AHI1: variants seen among roughly 807,000 people sequenced by gnomAD.
The protein encoded by AHI1 is jouberin.
Under a neutral mutation model 149.3 loss-of-function variants are expected in AHI1, and 123 were observed. The observed-to-expected ratio is 0.82, with a 90% CI of 0.71 to 0.96. The LOEUF (loss-of-function observed/expected upper bound fraction) is 0.96, where lower values mean the gene tolerates loss of function less well. AHI1 is among the 40% of genes least tolerant of loss of function. The pLI, the probability that AHI1 is intolerant of heterozygous loss-of-function variation, is 0.00. For missense variants in AHI1, 1,439 were observed against 1,422.7 expected (o/e 1.01, Z -0.18); for synonymous variants, 475 against 459.8 (o/e 1.03, Z -0.42).
intron 23 of AHI1, among the ~76,000 whole-genome samples, chr6:135,383,330 A>G (rs1777136118): frequency 6.9e-6 from 1 of 144,298 alleles, no homozygotes; most frequent in African/African-American, 2.6e-5. Flanking sequence ...CCTGGGTTCA[A>G]TCGATTCCCC....
chr6:135,356,607 G>T (rs1002239664), intron 24 of AHI1, among the ~76,000 whole-genome samples: 5 of 151,880 alleles, frequency 3.3e-5, no homozygotes, highest in Middle Eastern at 6.8e-3. Context: ...ACATCAAAAA[G>T]GACTGAATAT....
chr6:135,447,865 A>G (rs753255286), intron 12 of AHI1, among the ~76,000 whole-genome samples: 13 of 152,184 alleles, frequency 8.5e-5, no homozygotes, highest in Non-Finnish European at 1.6e-4. Context: ...GTTTTTGTAA[A>G]TAAACTTTTA....
intron 27 of AHI1, chr6:135,297,374 C>A (rs1783239915): frequency 4.4e-6 from 2 of 455,060 alleles, no homozygotes; most frequent in South Asian, 3.1e-5. Context: ...TAAACTAGTT[C>A]TTTCCCACAT....
chr6:135,333,792 T>C (rs1319992972), intron 24 of AHI1, among the ~76,000 whole-genome samples: 1 of 152,192 alleles, frequency 6.6e-6, no homozygotes, highest in Non-Finnish European at 1.5e-5. Context: ...AGATTATATA[T>C]CTGTAAAATA....
intron 17 of AHI1, 108 bp downstream of exon 17, chr6:135,431,100 T>C: frequency 1.4e-6 from 1 of 692,356 alleles, no homozygotes; most frequent in East Asian, 2.9e-5. Context: ...ACTGTTAATT[T>C]TTTGAAATGA....
At chr6:135,452,085 T>C (rs1318281618) in intron 11 of AHI1, among the ~76,000 whole-genome samples, 1 of 152,204 alleles carries the variant, frequency 6.6e-6, no homozygotes, top group Non-Finnish European at 1.5e-5. Flanking sequence ...CAACTGGATT[T>C]TAACAGCATC....
chr6:135,383,467 G>A (rs1777160149), intron 23 of AHI1, among the ~76,000 whole-genome samples: 1 of 74,656 alleles, frequency 1.3e-5, no homozygotes, highest in South Asian at 3.1e-4. Context: ...GAACTCCTAG[G>A]CTCAAGTGAA....
In AHI1 at chr6:135,386,553, G is replaced by A. The variant is rs533147142; in HGVS notation, c.3109+8223C>T. On this transcript the variant is annotated intron_variant, in intron 23 of 28. Coordinates refer to ENST00000265602, the MANE Select transcript of AHI1 (RefSeq NM_001134831.2). The stretch of plus-strand genomic sequence containing the variant: ...TCTCGATCTCCTGACCTTGTGATCC[G>A]CCTGCCTCGGCCTCCCAAAGTGCTG... Among the ~76,000 whole-genome samples, 375 of 152,054 alleles carry A rather than the reference G, an allele frequency of 2.5e-3. 1 individual carries two copies. Among genetic ancestry groups the A allele is most frequent in the Non-Finnish European group, 4.6e-3 (311 of 67,974 alleles).
intron 26 of AHI1, chr6:135,300,867 A>G (rs748665531): frequency 3.5e-5 from 37 of 1,058,982 alleles, no homozygotes; most frequent in Non-Finnish European, 4.0e-5. Flanking sequence ...TAATCTCCCA[A>G]TACAATGTGG....
chr6:135,301,203 T>C, intron 26 of AHI1: 1 of 984,178 alleles, frequency 1.0e-6, no homozygotes, highest in South Asian at 4.7e-5. Context: ...ATCAACCTAA[T>C]GTTGCTATAA....
chr6:135,297,530 ATTATATAATTGGTTGCC>A, intron 27 of AHI1: 1 of 456,052 alleles, frequency 2.2e-6, no homozygotes, highest in South Asian at 1.5e-5. Flanking sequence ...TTTGCACCTA[ATTATATAATTGGTTGCC>A]TTCTAAATGC....
chr6:135,293,448 C>T lies in AHI1; in HGVS notation c.3486-2923G>A, dbSNP rs1437871403. 2.8e-5 allele frequency among the ~76,000 whole-genome samples: 4 copies of T among 140,650 alleles called. No homozygotes were observed. The East Asian group carries it at 8.1e-4, about 29-fold the overall frequency. 92.3% of individuals were successfully genotyped at this position (140,650 alleles called of 152,430 possible). ...AAGAAAAAAAGAAAGAAAGAAAAGG[C>T]GCCCAGATTGTGAAGAAAGAAAACT... On this transcript the variant is annotated intron_variant, in intron 27 of 28. Coordinates refer to ENST00000265602, the MANE Select transcript of AHI1 (RefSeq NM_001134831.2).
chr6:135,484,647 T>C (rs1448275818), intron 5 of AHI1, among the ~76,000 whole-genome samples: 1 of 152,082 alleles, frequency 6.6e-6, no homozygotes, highest in Non-Finnish European at 1.5e-5. Context: ...TTCCACATTA[T>C]GTAGCTGCTC....
intron 24 of AHI1, among the ~76,000 whole-genome samples, chr6:135,355,889 ACTCTGT>A (rs1243051143): frequency 1.3e-5 from 2 of 151,684 alleles, no homozygotes; most frequent in African/African-American, 4.9e-5. Flanking sequence ...ACAGAGCGAG[ACTCTGT>A]CTCAAAAAAA....
chr6:135,489,233 C>T (rs1337187647), intron 5 of AHI1, among the ~76,000 whole-genome samples: 1 of 152,108 alleles, frequency 6.6e-6, no homozygotes, highest in African/African-American at 2.4e-5. Context: ...CTATTCAGTC[C>T]TGGTGTTTGC....
intron 9 of AHI1, 109 bp downstream of exon 9, chr6:135,457,385 A>G: frequency 1.3e-6 from 1 of 749,438 alleles, no homozygotes; most frequent in East Asian, 2.7e-5. Flanking sequence ...ACTATTCTCT[A>G]ATACAAATCC....
chr6:135,490,371 C>A (rs1795083133), intron 5 of AHI1: 1 of 651,320 alleles, frequency 1.5e-6, no homozygotes, highest in Non-Finnish European at 2.8e-6. Context: ...TTTGAGTTTC[C>A]CCACTATCTC....
At chr6:135,497,106 TAC>T (rs1407976892) in intron 2 of AHI1, 80 bp downstream of exon 2, 2 of 152,244 alleles carry the variant, frequency 1.3e-5, no homozygotes, top group Non-Finnish European at 2.9e-5. Flanking sequence ...TTAAATGGTC[TAC>T]ATTTTTGTTC....
At chr6:135,300,945 C>T in intron 26 of AHI1, 2 of 988,112 alleles carry the variant, frequency 2.0e-6, no homozygotes, top group Non-Finnish European at 2.4e-6. Flanking sequence ...ATAGTATACT[C>T]TATATTTTCA....
Sources: allele counts gnomAD v4.1 joint callset (sites outside exome capture counted in the v4.1 genomes callset), GRCh38; gene constraint gnomAD v4.1.1; transcripts MANE v1.5; gene names NCBI Gene and HGNC (gene_info 2026-07-23, HGNC 2026-07-21).